The following STK32B variants were observed in gnomAD, a reference collection of about 807,000 sequenced individuals.
STK32B encodes serine/threonine kinase 32B.
In STK32B, 43 loss-of-function variants were observed where a neutral mutation model predicts 52.6. The ratio of observed to expected loss-of-function variants is 0.82; its 90% confidence interval spans 0.64 to 1.05. STK32B has a LOEUF of 1.05. STK32B is among the 50% of genes least tolerant of loss of function. The pLI, the probability that STK32B is intolerant of heterozygous loss-of-function variation, is 0.00. For synonymous variants in STK32B, 238 were observed against 204.3 expected (o/e 1.17, Z -1.41); for missense variants, 621 against 534.6 (o/e 1.16, Z -1.59).
chr4:5,463,806 C>T (rs911009528), intron 9 of STK32B, among the ~76,000 whole-genome samples: 2 of 152,176 alleles, frequency 1.3e-5, no homozygotes, highest in Admixed American at 1.3e-4. Context: ...CCTTCCTCTC[C>T]TTGTCCACAA....
Position 5,466,932 on chromosome 4 carries a change from T to G in STK32B, c.1041+98T>G, listed in dbSNP as rs544713478. 3.5e-6 allele frequency: 5 copies of G among 1,435,982 alleles called. 1 individual carries two copies. In the South Asian group the frequency reaches 7.2e-5, roughly 21 times the overall value. The allele number at this position is 1,435,982 out of a possible 1,614,324, so 89.0% of individuals were successfully genotyped here. ...GTTTAGCAAAAAGGGGACATTTCAA[T>G]CCTCCCTTCCAATTTCCTTATTTTG... On this transcript the variant is annotated intron_variant, in intron 10 of 11. Coordinates refer to ENST00000282908, the MANE Select transcript of STK32B (RefSeq NM_018401.3).
intron 3 of STK32B, among the ~76,000 whole-genome samples, chr4:5,317,481 T>G (rs1158554922): frequency 1.7e-5 from 1 of 59,410 alleles, no homozygotes; most frequent in South Asian, 4.4e-4. Context: ...ATATATATAT[T>G]ACATATATAT....
chr4:5,431,415 C>A (rs1321601957), intron 6 of STK32B, among the ~76,000 whole-genome samples: 3 of 152,164 alleles, frequency 2.0e-5, no homozygotes, highest in Admixed American at 6.5e-5. Context: ...TTTAGAAGTT[C>A]ATCTCAAGTT....
chr4:5,310,589 G>T (rs556802496), intron 3 of STK32B, among the ~76,000 whole-genome samples: 4 of 152,028 alleles, frequency 2.6e-5, no homozygotes, highest in Non-Finnish European at 4.4e-5. Context: ...CTGTAGGTGG[G>T]AATTCAAATT....
intron 3 of STK32B, among the ~76,000 whole-genome samples, chr4:5,283,943 C>T (rs1386737970): frequency 1.3e-5 from 2 of 151,968 alleles, no homozygotes; most frequent in Admixed American, 1.3e-4. Flanking sequence ...TAATATACTG[C>T]CATACTGAGA....
At chr4:5,439,454 GTTT>G (rs1220467081) in intron 6 of STK32B, among the ~76,000 whole-genome samples, 1 of 151,666 alleles carries the variant, frequency 6.6e-6, no homozygotes, top group African/African-American at 2.4e-5. Flanking sequence ...GGGGTTGTTT[GTTT>G]TTTTCTTGTA....
At chr4:5,124,366 G>A (rs1715235523) in intron 1 of STK32B, among the ~76,000 whole-genome samples, 1 of 152,136 alleles carries the variant, frequency 6.6e-6, no homozygotes, top group Non-Finnish European at 1.5e-5. Context: ...TCTCTTAGAG[G>A]TGGGTGGACA....
At chr4:5,019,438 G>A in the STK32B span, 2 of 1,470,230 alleles carry the variant, frequency 1.4e-6, no homozygotes, top group Middle Eastern at 2.3e-4. Flanking sequence ...AGGCCCAGGC[G>A]TCCTCATGGT....
chr4:5,497,269 A>G (rs971163450), intron 11 of STK32B, among the ~76,000 whole-genome samples: 4 of 152,254 alleles, frequency 2.6e-5, no homozygotes, highest in South Asian at 2.1e-4. Flanking sequence ...TCTAATGTCA[A>G]ATACACAAAA....
chr4:5,019,415 G>A, the STK32B span: 3 of 1,485,002 alleles, frequency 2.0e-6, no homozygotes, highest in African/African-American at 2.9e-5. Context: ...AGGAGCAGCA[G>A]CAGCACGGGC....
At chr4:5,331,166 A>G in intron 3 of STK32B, 54 bp from the exon 4 acceptor site, 1 of 1,522,114 alleles carries the variant, frequency 6.6e-7, no homozygotes, top group Non-Finnish European at 8.9e-7. Flanking sequence ...ATTGGTCTTG[A>G]GGGTGCTGAA....
At chr4:5,479,121 T>C (rs1718470352) in intron 11 of STK32B, among the ~76,000 whole-genome samples, 2 of 114,804 alleles carry the variant, frequency 1.7e-5, no homozygotes, top group Admixed American at 1.1e-4. Context: ...GTTTTTGTTT[T>C]TGTTTTTTTT....
chr4:5,460,065 G>A lies in STK32B; in HGVS notation c.784-38G>A, dbSNP rs769271273. ...AGAGTCCCCGCTAACCTTGAGGGAT[G>A]CCCAATTCATGGAAACTCATTTGCC... On this transcript the variant is annotated intron_variant, in intron 8 of 11. Transcript: ENST00000282908. The surrounding 1 kb of genome is among the most constrained non-coding windows in gnomAD (Gnocchi z 4.8). The A allele has an allele frequency of 6.2e-7, 1 of 1,614,144 alleles. No homozygotes were observed. Among genetic ancestry groups the A allele is most frequent in the South Asian group, 1.1e-5 (1 of 91,070 alleles).
chr4:5,490,919 C>A (rs1719675308), intron 11 of STK32B, among the ~76,000 whole-genome samples: 1 of 152,160 alleles, frequency 6.6e-6, no homozygotes, highest in Non-Finnish European at 1.5e-5. Context: ...TTTTTTATGG[C>A]TGCATAGTAT....
intron 1 of STK32B, chr4:5,127,204 C>T (rs1715459245): frequency 2.2e-6 from 1 of 464,286 alleles, no homozygotes. Flanking sequence ...CCATTAGCTG[C>T]CATACAGTTG....
At chr4:5,039,412 G>T in the STK32B span, among the ~76,000 whole-genome samples, 10 of 152,142 alleles carry the variant, frequency 6.6e-5, no homozygotes, top group Non-Finnish European at 1.3e-4. Flanking sequence ...GTCTCACAGG[G>T]TCGGGATCAT....
At chr4:5,026,022 G>A in the STK32B span, among the ~76,000 whole-genome samples, 8 of 152,284 alleles carry the variant, frequency 5.3e-5, no homozygotes, top group East Asian at 1.5e-3. Context: ...AGGCCTCCAC[G>A]ACTCCCTCCC....
At chr4:5,096,907 C>T (rs1278213848) in intron 1 of STK32B, among the ~76,000 whole-genome samples, 4 of 152,308 alleles carry the variant, frequency 2.6e-5, no homozygotes. Flanking sequence ...CTGCTAAGTG[C>T]CAGGCACTCC....
intron 3 of STK32B, among the ~76,000 whole-genome samples, chr4:5,170,413 C>G (rs370154492): frequency 6.6e-6 from 1 of 152,096 alleles, no homozygotes; most frequent in Admixed American, 6.6e-5. Context: ...CACCCATTAA[C>G]TCGTCATTTA....
Sources: gnomAD v4.1 joint callset for allele counts (sites outside exome capture counted in the v4.1 genomes callset) on GRCh38, gnomAD v4.1.1 for gene constraint, Gnocchi (gnomAD v3.1) non-coding constraint, MANE v1.5 for transcripts, NCBI Gene and HGNC (gene_info 2026-07-23, HGNC 2026-07-21) for gene names.